KIAA1328: variants seen among roughly 807,000 people sequenced by gnomAD.
The protein encoded by KIAA1328 is KIAA1328.
KIAA1328 carries 52 observed loss-of-function variants against 68.1 expected under a neutral mutation model. That is an observed-to-expected ratio of 0.76 (90% CI 0.61 to 0.96). The LOEUF is 0.96. Among genes scored for constraint, KIAA1328 ranks in the 40% least tolerant of loss-of-function variants. The pLI is 0.00. For missense variants in KIAA1328, 641 were observed against 677.6 expected (o/e 0.95, Z 0.60); for synonymous variants, 232 against 239.4 (o/e 0.97, Z 0.28).
intron 9 of KIAA1328, among the ~76,000 whole-genome samples, chr18:37,208,442 C>T (rs935085327): frequency 2.0e-5 from 3 of 152,166 alleles, no homozygotes; most frequent in Non-Finnish European, 4.4e-5. Context: ...GAGTGTCATT[C>T]TTGTGATGCT....
chr18:37,113,524 G>C (rs2058004349), intron 7 of KIAA1328, among the ~76,000 whole-genome samples: 1 of 152,156 alleles, frequency 6.6e-6, no homozygotes, highest in African/African-American at 2.4e-5. Flanking sequence ...AACGTGGAAA[G>C]GAACAACTGG....
At chr18:37,054,506 T>C (rs886767822) in intron 6 of KIAA1328, among the ~76,000 whole-genome samples, 1 of 152,204 alleles carries the variant, frequency 6.6e-6, no homozygotes, top group Non-Finnish European at 1.5e-5. Context: ...ATCACATCCT[T>C]TGCCGGAAAA....
intron 7 of KIAA1328, among the ~76,000 whole-genome samples, chr18:37,133,473 TAAA>T (rs1447097218): frequency 6.6e-6 from 1 of 151,962 alleles, no homozygotes; most frequent in Non-Finnish European, 1.5e-5. Context: ...ATACATGTGT[TAAA>T]ATTCATAGAA....
rs34168716 is a variant in KIAA1328 at position 37,180,637 on chromosome 18, G to GTTT, written c.1523+7564_1523+7566dup. Among the ~76,000 whole-genome samples the GTTT allele has an allele frequency of 2.1e-3, 316 of 149,518 alleles. 1 individual carries two copies. Among genetic ancestry groups the GTTT allele is most frequent in the African/African-American group, 7.0e-3 (285 of 40,722 alleles). Reference sequence around the variant, plus strand: ...CCAGAATCCTAACAGTAACAAAACCGTTTTTTTTTTAATGAGACTATCTTC... The same window carrying GTTT: ...CCAGAATCCTAACAGTAACAAAACCGTTTTTTTTTTTTTAATGAGACTATCTTC... On this transcript the variant is annotated intron_variant, in intron 9 of 9. Transcript: ENST00000280020.
intron 6 of KIAA1328, among the ~76,000 whole-genome samples, chr18:36,992,903 A>C (rs1463496147): frequency 2.0e-5 from 3 of 152,300 alleles, no homozygotes; most frequent in Admixed American, 1.3e-4. Flanking sequence ...CAGGAACTTG[A>C]GACTAGCCTG....
intron 4 of KIAA1328, among the ~76,000 whole-genome samples, chr18:36,881,955 G>A (rs575438008): frequency 6.1e-4 from 93 of 152,218 alleles, no homozygotes; most frequent in African/African-American, 2.2e-3. Context: ...TTTCTCTTGA[G>A]TATCTATGAG....
At chr18:36,996,882 C>A (rs2053412345) in intron 6 of KIAA1328, among the ~76,000 whole-genome samples, 1 of 152,140 alleles carries the variant, frequency 6.6e-6, no homozygotes, top group African/African-American at 2.4e-5. Flanking sequence ...GAGAAAATTT[C>A]TTATGTCTAG....
At chr18:37,021,169 G>A (rs2054332315) in intron 6 of KIAA1328, among the ~76,000 whole-genome samples, 1 of 152,176 alleles carries the variant, frequency 6.6e-6, no homozygotes, top group Non-Finnish European at 1.5e-5. Context: ...AAGCTGGGCA[G>A]TGCACTGTTT....
intron 6 of KIAA1328, chr18:37,063,687 T>C: frequency 1.0e-6 from 1 of 985,194 alleles, no homozygotes; most frequent in Non-Finnish European, 1.2e-6. Context: ...ATCATTAAGC[T>C]GTACTACCTC....
chr18:37,127,926 G>A (rs542521143), intron 7 of KIAA1328, among the ~76,000 whole-genome samples: 4 of 151,878 alleles, frequency 2.6e-5, no homozygotes, highest in South Asian at 2.1e-4. Context: ...ATGTTCAATT[G>A]ATATTTTTTA....
intron 7 of KIAA1328, among the ~76,000 whole-genome samples, 173 bp downstream of exon 7, chr18:37,067,718 C>T (rs917087572): frequency 1.3e-5 from 2 of 152,196 alleles, no homozygotes; most frequent in African/African-American, 4.8e-5. Flanking sequence ...CGCCACCATG[C>T]CCGGCTAATT....
chr18:37,104,049 A>G (rs1230684766), intron 7 of KIAA1328, among the ~76,000 whole-genome samples: 1 of 152,188 alleles, frequency 6.6e-6, no homozygotes, highest in Admixed American at 6.5e-5. Flanking sequence ...AGAAAAGGGA[A>G]CTCCCATACG....
intron 9 of KIAA1328, among the ~76,000 whole-genome samples, chr18:37,185,220 A>G (rs893755365): frequency 2.6e-5 from 4 of 151,956 alleles, no homozygotes; most frequent in African/African-American, 9.7e-5. Context: ...TAGAGACACC[A>G]TGTCATTCAC....
intron 7 of KIAA1328, among the ~76,000 whole-genome samples, chr18:37,107,878 A>AC (rs2057817525): frequency 6.6e-6 from 1 of 151,506 alleles, no homozygotes; most frequent in African/African-American, 2.4e-5. Flanking sequence ...AAAAAAAAAA[A>AC]CAGATGCTGG....
intron 1 of KIAA1328, 97 bp downstream of exon 1, chr18:36,829,293 C>T: frequency 7.0e-7 from 1 of 1,423,816 alleles, no homozygotes; most frequent in South Asian, 1.5e-5. Flanking sequence ...GGAGAAGCTC[C>T]GAACTAACCC....
intron 5 of KIAA1328, among the ~76,000 whole-genome samples, chr18:36,957,040 G>A (rs751171844): frequency 2.0e-5 from 3 of 152,126 alleles, no homozygotes. Flanking sequence ...CTTTCCCTGT[G>A]AACCAGCTCC....
chr18:37,227,589 G>A (rs537685912), downstream of KIAA1328, among the ~76,000 whole-genome samples: 69 of 152,336 alleles, frequency 4.5e-4, no homozygotes, highest in South Asian at 0.011. Context: ...AGCTTGCATA[G>A]CAGCACATCT....
intron 9 of KIAA1328, among the ~76,000 whole-genome samples, chr18:37,181,608 C>T (rs1405828678): frequency 6.6e-6 from 1 of 152,068 alleles, no homozygotes; most frequent in African/African-American, 2.4e-5. Flanking sequence ...GAAATAATAA[C>T]GATGTAGCAA....
chr18:37,155,369 C>A (rs2059130330), intron 7 of KIAA1328, among the ~76,000 whole-genome samples: 1 of 152,188 alleles, frequency 6.6e-6, no homozygotes, highest in Admixed American at 6.5e-5. Context: ...GCATCTCAAG[C>A]TGCAGTTAAT....
Sources: gnomAD v4.1 joint callset for allele counts (sites outside exome capture counted in the v4.1 genomes callset) on GRCh38, gnomAD v4.1.1 for gene constraint, MANE v1.5 for transcripts, NCBI Gene and HGNC (gene_info 2026-07-23, HGNC 2026-07-21) for gene names.